Variants in BMPER observed in about 807,000 individuals in gnomAD.
The protein encoded by BMPER is BMP-binding endothelial regulator protein.
A neutral mutation model predicts 87.3 loss-of-function variants in BMPER; 45 were observed. The ratio of observed to expected loss-of-function variants is 0.52; its 90% confidence interval spans 0.41 to 0.66. The LOEUF (loss-of-function observed/expected upper bound fraction) is 0.66, where lower values mean the gene tolerates loss of function less well. BMPER is among the 30% of genes least tolerant of loss of function. The probability of loss-of-function intolerance (pLI) is 0.00; values close to 1 mark genes in which losing one functional copy is unlikely to be tolerated. For missense variants in BMPER, 784 were observed against 867.5 expected (o/e 0.90, Z 1.21); for synonymous variants, 326 against 316.2 (o/e 1.03, Z -0.33).
At position 34,149,155 on chromosome 7, in the gene BMPER, G is replaced by A. The variant is rs183763392; in HGVS notation, c.1877-3937G>A. 8.4e-4 allele frequency among the ~76,000 whole-genome samples: 128 copies of A among 152,162 alleles called. 1 individual carries two copies. Among genetic ancestry groups the A allele is most frequent in the Admixed American group, 2.0e-3 (30 of 15,270 alleles). On this transcript the variant is annotated intron_variant, in intron 14 of 14. Coordinates refer to ENST00000649409, the MANE Select transcript of BMPER (RefSeq NM_001365308.1). ...TCATCGATACACTCTCTTCAACTGC[G>A]GGTACTTGTCACAGTGACCCCCAGA...
At chr7:34,078,745 TC>T (rs1441186969) in intron 11 of BMPER, 111 bp from the exon 12 acceptor site, 2 of 1,086,038 alleles carry the variant, frequency 1.8e-6, no homozygotes, top group Non-Finnish European at 2.8e-6. Context: ...TAAGTTGATT[TC>T]CCTTAGTGCA....
At chr7:33,998,457 C>G (rs1023180910) in intron 6 of BMPER, among the ~76,000 whole-genome samples, 2 of 152,206 alleles carry the variant, frequency 1.3e-5, no homozygotes. Flanking sequence ...TCAGAGCAGA[C>G]TCTAATTTGT....
At chr7:34,145,958 T>G (rs891122788) in intron 14 of BMPER, among the ~76,000 whole-genome samples, 1 of 152,156 alleles carries the variant, frequency 6.6e-6, no homozygotes, top group Non-Finnish European at 1.5e-5. Context: ...AGTGGAGCCA[T>G]CTGGGTGAAG....
intron 10 of BMPER, among the ~76,000 whole-genome samples, chr7:34,059,376 T>C (rs947391776): frequency 3.3e-5 from 5 of 152,058 alleles, no homozygotes; most frequent in African/African-American, 4.8e-5. Context: ...ATAGTTTTCA[T>C]TGTGCTCTTG....
intron 11 of BMPER, among the ~76,000 whole-genome samples, chr7:34,073,957 G>A (rs544913057): frequency 6.6e-6 from 1 of 152,228 alleles, no homozygotes; most frequent in Non-Finnish European, 1.5e-5. Context: ...CCCAGGTGAG[G>A]GGGGCCAGCA....
intron 13 of BMPER, among the ~76,000 whole-genome samples, chr7:34,135,711 A>T (rs999357355): frequency 6.6e-6 from 1 of 151,826 alleles, no homozygotes; most frequent in African/African-American, 2.4e-5. Context: ...AATAGTCTTT[A>T]TGTCATTTGG....
chr7:34,034,181 T>C (rs2127952580), intron 6 of BMPER, among the ~76,000 whole-genome samples: 1 of 152,320 alleles, frequency 6.6e-6, no homozygotes, highest in East Asian at 1.9e-4. Context: ...CTTCTGAACC[T>C]GGCCTAATAT....
At chr7:34,078,744 T>C in intron 11 of BMPER, 113 bp from the exon 12 acceptor site, 1 of 1,083,352 alleles carries the variant, frequency 9.2e-7, no homozygotes. Context: ...TTAAGTTGAT[T>C]TCCCTTAGTG....
chr7:33,989,305 A>T (rs1329316853), intron 6 of BMPER, among the ~76,000 whole-genome samples: 3 of 149,472 alleles, frequency 2.0e-5, no homozygotes, highest in Non-Finnish European at 4.5e-5. Flanking sequence ...AATGATTGCC[A>T]TTCTAACTGG....
chr7:33,905,811 G>A, intron 1 of BMPER, 65 bp downstream of exon 1: 1 of 1,456,610 alleles, frequency 6.9e-7, no homozygotes, highest in Non-Finnish European at 9.4e-7. Flanking sequence ...GAAAGGTGGC[G>A]CTGGCTTGCC....
At chr7:33,947,246 A>T (rs992436860) in intron 3 of BMPER, among the ~76,000 whole-genome samples, 1 of 152,150 alleles carries the variant, frequency 6.6e-6, no homozygotes, top group Non-Finnish European at 1.5e-5. Flanking sequence ...GGGTTCTTTC[A>T]TGAACAATAA....
chr7:34,134,133 G>A (rs747079400), intron 13 of BMPER, among the ~76,000 whole-genome samples: 1 of 152,120 alleles, frequency 6.6e-6, no homozygotes, highest in Non-Finnish European at 1.5e-5. Flanking sequence ...CTTCTTGGCA[G>A]GCATCAGGGG....
At chr7:33,955,781 T>C (rs1013179873) in intron 3 of BMPER, among the ~76,000 whole-genome samples, 1 of 152,146 alleles carries the variant, frequency 6.6e-6, no homozygotes, top group Non-Finnish European at 1.5e-5. Context: ...AACACAAGAA[T>C]ACAGTGAGAG....
At chr7:34,053,857 C>G (rs900248110) in intron 8 of BMPER, among the ~76,000 whole-genome samples, 1 of 152,138 alleles carries the variant, frequency 6.6e-6, no homozygotes, top group South Asian at 2.1e-4. Flanking sequence ...CCATGCAGTT[C>G]AAATCCATGT....
chr7:33,999,350 C>T (rs181106498), intron 6 of BMPER, among the ~76,000 whole-genome samples: 2 of 152,310 alleles, frequency 1.3e-5, no homozygotes, highest in South Asian at 2.1e-4. Flanking sequence ...TTGAATTAAA[C>T]CCAACAATTT....
intron 13 of BMPER, among the ~76,000 whole-genome samples, chr7:34,088,647 A>T (rs1217207818): frequency 6.6e-6 from 1 of 152,166 alleles, no homozygotes; most frequent in Non-Finnish European, 1.5e-5. Flanking sequence ...GAAAGAACTG[A>T]TACACAGTAA....
intron 2 of BMPER, among the ~76,000 whole-genome samples, chr7:33,934,294 C>T (rs1374549619): frequency 6.6e-6 from 1 of 152,156 alleles, no homozygotes; most frequent in Non-Finnish European, 1.5e-5. Flanking sequence ...GAATCAGGCT[C>T]TCACCAGCAA....
chr7:34,152,419 C>G (rs565762781), intron 14 of BMPER, among the ~76,000 whole-genome samples: 74 of 152,250 alleles, frequency 4.9e-4, no homozygotes, highest in Non-Finnish European at 8.8e-4. Context: ...TTCAGGATCT[C>G]TCATAATTTT....
chr7:34,062,175 C>T (rs1229971497), intron 11 of BMPER, 128 bp downstream of exon 11: 2 of 800,226 alleles, frequency 2.5e-6, no homozygotes, highest in African/African-American at 1.7e-5. Context: ...GGGATCATCT[C>T]ACCTCCCTAC....
Sources: allele counts gnomAD v4.1 joint callset (sites outside exome capture counted in the v4.1 genomes callset), GRCh38; gene constraint gnomAD v4.1.1; transcripts MANE v1.5; gene names NCBI Gene and HGNC (gene_info 2026-07-23, HGNC 2026-07-21).